BIRC6: variants seen among roughly 807,000 people sequenced by gnomAD.
The protein encoded by BIRC6 is baculoviral IAP repeat containing 6.
Under a neutral mutation model 503.3 loss-of-function variants are expected in BIRC6, and 98 were observed. The ratio of observed to expected loss-of-function variants is 0.19; its 90% CI spans 0.17 to 0.23. The LOEUF (loss-of-function observed/expected upper bound fraction) is 0.23. BIRC6 is among the 10% of genes least tolerant of loss of function. BIRC6 has a pLI of 1.00. For synonymous variants in BIRC6, 2,240 were observed against 2,078.7 expected (o/e 1.08, Z -2.11); for missense variants, 5,360 against 5,806.0 (o/e 0.92, Z 2.50).
chr2:32,400,153 A>G, intron 6 of BIRC6, among the ~76,000 whole-genome samples: 1 of 151,938 alleles, frequency 6.6e-6, no homozygotes, highest in East Asian at 1.9e-4. Flanking sequence ...CTCGCTCAGT[A>G]AGCATTTATT....
At chr2:32,494,136 A>C (rs191454078) in intron 45 of BIRC6, among the ~76,000 whole-genome samples, 219 of 152,322 alleles carry the variant, frequency 1.4e-3, no homozygotes, top group African/African-American at 4.7e-3. Context: ...TGGGTTGATT[A>C]TTATAATGCA....
intron 4 of BIRC6, among the ~76,000 whole-genome samples, chr2:32,391,583 G>C (rs1225249267): frequency 6.6e-6 from 1 of 152,144 alleles, no homozygotes; most frequent in African/African-American, 2.4e-5. Flanking sequence ...GTATTTTCCT[G>C]TTTTCTTTGT....
At chr2:32,377,289 A>G (rs1283936259) in intron 1 of BIRC6, among the ~76,000 whole-genome samples, 1 of 151,570 alleles carries the variant, frequency 6.6e-6, no homozygotes, top group East Asian at 1.9e-4. Context: ...AGTTGGTTGC[A>G]TATATCATGC....
intron 1 of BIRC6, among the ~76,000 whole-genome samples, chr2:32,367,520 G>GT (rs1188313950): frequency 1.3e-5 from 2 of 151,888 alleles, no homozygotes; most frequent in Admixed American, 6.6e-5. Flanking sequence ...GGACAGCGCT[G>GT]TTAAAAAAAG....
chr2:32,461,002 CTTCTCTTCTCT>C lies in BIRC6; in HGVS notation c.4754-2190_4754-2180del, dbSNP rs1248982246. ...CAATTGCTCTGCTCTGCTCTGCTCT[CTTCTCTTCTCT>C]TCTCTTCTCTTCTCTTCTCTTCTCT... On this transcript the variant is annotated intron_variant, in intron 23 of 73. Coordinates refer to ENST00000421745, the MANE Select transcript of BIRC6 (RefSeq NM_016252.4). 6.7e-3 allele frequency among the ~76,000 whole-genome samples: 145 copies of C among 21,708 alleles called. 1 individual carries two copies. Among genetic ancestry groups the C allele is most frequent in the Non-Finnish European group, 0.011 (116 of 10,138 alleles). The allele number at this position is 21,708 out of a possible 152,430, so 14.2% of individuals were successfully genotyped here.
rs867746666 is a variant in BIRC6 at position 32,359,022 on chromosome 2, A to G, written c.325+1536A>G. 2.8e-4 allele frequency among the ~76,000 whole-genome samples: 42 copies of G among 152,232 alleles called. 1 individual carries two copies. The highest frequency in any genetic ancestry group is 9.6e-4 in the African/African-American group (40 of 41,468). ...GGTATGAAGAGTAATTACAGTGAAC[A>G]CCATGCATCCCCAACTCAGGTTAAG... On this transcript the variant is annotated intron_variant, in intron 1 of 73. Transcript: ENST00000421745.
intron 66 of BIRC6, among the ~76,000 whole-genome samples, chr2:32,583,379 G>A (rs765550459): frequency 2.0e-5 from 3 of 152,090 alleles, no homozygotes; most frequent in Non-Finnish European, 2.9e-5. Context: ...TTCAAGAGTC[G>A]TGATTTGTAA....
At chr2:32,363,293 G>T (rs778401287) in intron 1 of BIRC6, among the ~76,000 whole-genome samples, 20 of 152,144 alleles carry the variant, frequency 1.3e-4, no homozygotes, top group Non-Finnish European at 2.4e-4. Flanking sequence ...GATTGTGCCA[G>T]CCTGGGCAAC....
At chr2:32,453,667 T>G (rs2046945611) in intron 22 of BIRC6, 141 bp from the exon 23 acceptor site, 1 of 747,200 alleles carries the variant, frequency 1.3e-6, no homozygotes, top group Admixed American at 3.1e-5. Flanking sequence ...CTTAATACCA[T>G]GCCCATGATT....
chr2:32,491,012 G>T (rs1049511681), intron 43 of BIRC6, among the ~76,000 whole-genome samples: 2 of 152,124 alleles, frequency 1.3e-5, no homozygotes, highest in East Asian at 1.9e-4. Flanking sequence ...CAGTTAACCT[G>T]TATACAACTA....
At chr2:32,455,540 T>C (rs990070137) in intron 23 of BIRC6, among the ~76,000 whole-genome samples, 3 of 152,166 alleles carry the variant, frequency 2.0e-5, no homozygotes, top group African/African-American at 7.2e-5. Flanking sequence ...GGTACGAGAA[T>C]TGCTTGAACC....
At chr2:32,365,987 C>T (rs753745028) in intron 1 of BIRC6, among the ~76,000 whole-genome samples, 58 of 151,970 alleles carry the variant, frequency 3.8e-4, no homozygotes, top group Non-Finnish European at 7.2e-4. Context: ...TGGGTTCAAG[C>T]GATTCTCCTG....
chr2:32,603,681 G>A lies in BIRC6; in HGVS notation c.14070+598G>A, dbSNP rs994383641. The stretch of plus-strand genomic sequence containing the variant: ...GGAGATTGCAGTGAGCCGAGATCAC[G>A]GCACTACACTCTAGCCTGGGTGACA... On this transcript the variant is annotated intron_variant, in intron 71 of 73. Transcript: ENST00000421745. 1.3e-5 allele frequency among the ~76,000 whole-genome samples: 2 copies of A among 151,946 alleles called. 1 individual carries two copies. Among genetic ancestry groups the A allele is most frequent in the Non-Finnish European group, 2.9e-5 (2 of 67,998 alleles).
At chr2:32,547,306 G>C (rs1013132742) in intron 63 of BIRC6, among the ~76,000 whole-genome samples, 5 of 151,986 alleles carry the variant, frequency 3.3e-5, no homozygotes, top group African/African-American at 1.2e-4. Flanking sequence ...TTGAAAATTT[G>C]TATTTATTTA....
chr2:32,446,530 A>C (rs1051940489), intron 21 of BIRC6, among the ~76,000 whole-genome samples: 1 of 152,114 alleles, frequency 6.6e-6, no homozygotes, highest in African/African-American at 2.4e-5. Flanking sequence ...ACTTGAGGCT[A>C]TGTCGTAATG....
chr2:32,371,247 T>G (rs974679874), intron 1 of BIRC6, among the ~76,000 whole-genome samples: 1 of 149,930 alleles, frequency 6.7e-6, no homozygotes, highest in East Asian at 1.9e-4. Context: ...AAAAGGAAAT[T>G]TTCAGTTTTA....
intron 66 of BIRC6, among the ~76,000 whole-genome samples, chr2:32,588,246 T>C (rs1319242306): frequency 6.6e-6 from 1 of 152,068 alleles, no homozygotes; most frequent in African/African-American, 2.4e-5. Flanking sequence ...TCTCAGCTAC[T>C]CAGGAGGCTT....
At chr2:32,364,531 G>C (rs558825438) in intron 1 of BIRC6, among the ~76,000 whole-genome samples, 5 of 152,012 alleles carry the variant, frequency 3.3e-5, no homozygotes, top group Non-Finnish European at 5.9e-5. Context: ...GTGAGCCACC[G>C]TGCCCAGCCC....
At chr2:32,550,486 T>G (rs931595609) in intron 65 of BIRC6, among the ~76,000 whole-genome samples, 1 of 152,184 alleles carries the variant, frequency 6.6e-6, no homozygotes, top group African/African-American at 2.4e-5. Context: ...TACATCAGAC[T>G]GGTCTTTTTT....
Sources: gnomAD v4.1 joint callset for allele counts (sites outside exome capture counted in the v4.1 genomes callset) on GRCh38, gnomAD v4.1.1 for gene constraint, MANE v1.5 for transcripts, NCBI Gene and HGNC (gene_info 2026-07-23, HGNC 2026-07-21) for gene names.